Variants in PTPRN observed in about 807,000 individuals in gnomAD.
PTPRN encodes receptor-type tyrosine-protein phosphatase-like N.
In PTPRN, 70 loss-of-function variants were observed where a neutral mutation model predicts 108.5. The observed-to-expected ratio is 0.65, with a 90% CI of 0.53 to 0.79. The LOEUF is 0.79. Among genes scored for constraint, PTPRN ranks in the 30% least tolerant of loss-of-function variants. The probability of loss-of-function intolerance (pLI) is 0.00; values close to 1 mark genes in which losing one functional copy is unlikely to be tolerated. For synonymous variants in PTPRN, 496 were observed against 524.6 expected (o/e 0.95, Z 0.75); for missense variants, 1,136 against 1,295.5 (o/e 0.88, Z 1.89).
At chr2:219,307,009 A>C (rs1265153750) in intron 3 of PTPRN, 2 of 155,066 alleles carry the variant, frequency 1.3e-5, no homozygotes, top group Non-Finnish European at 2.9e-5. Flanking sequence ...CCCCAAACAG[A>C]AACTCCAGTA....
rs1444382711 is a variant in PTPRN, at chr2:219,297,861, C to G, written c.1887+24G>C. The G allele has an allele frequency of 4.4e-6, 7 of 1,581,016 alleles. No individual in the cohort carries two copies. The East Asian group carries it at 6.9e-5, about 16-fold the overall frequency. Reference sequence around the variant, plus strand: ...CCAGGCCCCTTGCATTTCCTTTGCTCAATCAGCTTCTGGGGCTGCACACCT... The same window carrying G: ...CCAGGCCCCTTGCATTTCCTTTGCTGAATCAGCTTCTGGGGCTGCACACCT... On this transcript the variant is annotated intron_variant, in intron 13 of 22. Transcript: ENST00000295718. The surrounding 1 kb of genome is among the most constrained non-coding windows in gnomAD (Gnocchi z 6.0).
Position 219,290,070 on chromosome 2 carries a change from G to A in PTPRN, c.*156C>T. On this transcript the variant is annotated 3_prime_UTR_variant, in exon 23 of 23. Transcript: ENST00000295718. This position sits in a 1 kb window ranked among gnomAD's most constrained non-coding sequence, Gnocchi z 4.2. ...GGCTCTGGCATGCGAGGCTGGGCAG[G>A]CGTGCCCCTTCTGGCTTTCCCTTCC... 2.8e-6 allele frequency: 2 copies of A among 707,886 alleles called. No individual in the cohort carries two copies. Among genetic ancestry groups the A allele is most frequent in the Non-Finnish European group, 4.9e-6 (2 of 409,868 alleles). The allele number at this position is 707,886 out of a possible 1,614,324, so 43.9% of individuals were successfully genotyped here. A position where few individuals can be genotyped will look rare whatever the true frequency, so the allele number is the denominator to read the frequency against.
At chr2:219,292,080 C>G (rs1463184220) in intron 19 of PTPRN, 1 of 161,468 alleles carries the variant, frequency 6.2e-6, no homozygotes, top group East Asian at 1.9e-4. Context: ...CCTCCCGACT[C>G]AGGCTCCAGT....
chr2:219,306,693 T>A (rs1952493409), intron 3 of PTPRN, among the ~76,000 whole-genome samples: 1 of 152,200 alleles, frequency 6.6e-6, no homozygotes, highest in Non-Finnish European at 1.5e-5. Flanking sequence ...TCCATCAGTC[T>A]TCTACAGTCC....
Position 219,296,122 on chromosome 2 carries a change from T to A in PTPRN, c.2508+104A>T. On this transcript the variant is annotated intron_variant, in intron 18 of 22. Transcript: ENST00000295718. The surrounding 1 kb of genome is among the most constrained non-coding windows in gnomAD (Gnocchi z 6.0). Reference sequence around the variant, plus strand: ...ATGAGCAGGGCCAATAAAAGCCTTTTTAAAAAGACTGTTGAGTGCTCATTT... The same window carrying A: ...ATGAGCAGGGCCAATAAAAGCCTTTATAAAAAGACTGTTGAGTGCTCATTT... The A allele has an allele frequency of 2.0e-6, 3 of 1,529,742 alleles. No individual in the cohort carries two copies. Among genetic ancestry groups the A allele is most frequent in the Non-Finnish European group, 2.7e-6 (3 of 1,120,370 alleles). The allele number at this position is 1,529,742 out of a possible 1,614,324, so 94.8% of individuals were successfully genotyped here. A position where few individuals can be genotyped will look rare whatever the true frequency, so the allele number is the denominator to read the frequency against.
In PTPRN at chr2:219,290,768, G is replaced by T; in HGVS notation, c.2794+58C>A. On this transcript the variant is annotated intron_variant, in intron 21 of 22. Transcript: ENST00000295718. This position sits in a 1 kb window ranked among gnomAD's most constrained non-coding sequence, Gnocchi z 4.2. ...CTTCTGAGCTCCCAGGACCCTGTGT[G>T]CTGGGGAGCCTCTAAAAAGGGCCTG... 6.4e-7 allele frequency: 1 copy of T among 1,557,496 alleles called. No homozygotes were observed. The highest frequency in any genetic ancestry group is 8.9e-7 in the Non-Finnish European group (1 of 1,128,732).
rs1275075174 is a variant in PTPRN at position 219,290,826 on chromosome 2, C to A, written c.2794G>T (p.Gly932Ter). ...IDMVLNRMAKGVKEIDIAATL... is the reference protein window; with the variant it reads ...IDMVLNRMAK ...CGGGCACCGTGGGGAAGCTCCCTACCTTTTGCCATGCGGTTCAGGACCATG... is the reference window on the plus strand; with the variant it reads ...CGGGCACCGTGGGGAAGCTCCCTACATTTTGCCATGCGGTTCAGGACCATG... The change falls in exon 21 of 23, where the codon GGA becomes TGA. Residue 932 changes from glycine (G) to a stop codon, truncating the protein, a stop_gained and splice_region_variant. Coordinates refer to ENST00000295718, the MANE Select transcript of PTPRN (RefSeq NM_002846.4). LOFTEE classifies it high-confidence loss of function. This position sits in a 1 kb window ranked among gnomAD's most constrained non-coding sequence, Gnocchi z 4.2. 1 of 1,613,922 alleles carries A rather than the reference C, an allele frequency of 6.2e-7. No homozygotes were observed. Among genetic ancestry groups the A allele is most frequent in the African/African-American group, 1.3e-5 (1 of 74,906 alleles).
intron 19 of PTPRN, among the ~76,000 whole-genome samples, chr2:219,294,408 G>C (rs1952124472): frequency 6.7e-6 from 1 of 148,180 alleles, no homozygotes; most frequent in Non-Finnish European, 1.5e-5. Flanking sequence ...GTGAGGCAGA[G>C]ACAGAGTGAG....
chr2:219,297,914 C>G lies in PTPRN; in HGVS notation c.1858G>C (p.Ala620Pro). The change falls in exon 13 of 23, where the codon GCC (alanine) becomes CCC (proline). Residue 620 changes from alanine (A) to proline (P), a missense_variant. Physicochemically the swap from Ala to Pro is conservative, Grantham distance 27 (BLOSUM62 -1). Transcript: ENST00000295718. This position sits in a 1 kb window ranked among gnomAD's most constrained non-coding sequence, Gnocchi z 6.0. Reference protein sequence around the residue: ...ERLAALGPEGAHGDTTFEYQD... With the variant: ...ERLAALGPEGPHGDTTFEYQD... ...TACTCAAAGGTAGTGTCACCATGGG[C>G]CCCCTCAGGCCCCAGGGCTGCCAGG... 1 of 1,611,700 alleles carries G rather than the reference C, an allele frequency of 6.2e-7. No individual in the cohort carries two copies. Among genetic ancestry groups the G allele is most frequent in the Non-Finnish European group, 8.5e-7 (1 of 1,179,588 alleles).
At position 219,302,196 on chromosome 2, in the gene PTPRN, T is replaced by C. The variant is rs1952366370; in HGVS notation, c.935A>G (p.Tyr312Cys). 4 of 1,611,696 alleles carry C rather than the reference T, an allele frequency of 2.5e-6. No homozygotes were observed. Among genetic ancestry groups the C allele is most frequent in the Non-Finnish European group, 8.5e-7 (1 of 1,178,094 alleles). Residue 312 changes from tyrosine (Y) to cysteine (C), a missense_variant, in exon 6 of 23, where the codon TAT becomes TGT. Tyr to Cys is a radical substitution (Grantham distance 194). Coordinates refer to ENST00000295718, the MANE Select transcript of PTPRN (RefSeq NM_002846.4). The part of the protein sequence containing the change: ...SSRAEDSPEG[Y>C]EKEGLGDRGE... ...ACGATCCCCTAGTCCTTCCTTCTCA[T>C]AGCCCTCTGGGGAGTCCTCTGCCCG...
chr2:219,302,170 C>G lies in PTPRN; in HGVS notation c.961G>C (p.Gly321Arg), dbSNP rs1264376171. Reference protein sequence around the residue: ...GYEKEGLGDRGEKPASPAVQP... With the variant: ...GYEKEGLGDRREKPASPAVQP... ...ACAGCTGGGGAAGCAGGCTTCTCTCCACGATCCCCTAGTCCTTCCTTCTCA... is the reference window on the plus strand; with the variant it reads ...ACAGCTGGGGAAGCAGGCTTCTCTCGACGATCCCCTAGTCCTTCCTTCTCA... The change falls in exon 6 of 23, where the codon GGA becomes CGA. Residue 321 changes from glycine to arginine, a missense_variant. Transcript: ENST00000295718. 6.3e-7 allele frequency: 1 copy of G among 1,597,392 alleles called. No homozygotes were observed. Among genetic ancestry groups the G allele is most frequent in the African/African-American group, 1.3e-5 (1 of 74,678 alleles).
Position 219,294,854 on chromosome 2 carries a change from G to A in PTPRN, c.2675+121C>T, listed in dbSNP as rs1952142660. On this transcript the variant is annotated intron_variant, in intron 19 of 22. Coordinates refer to ENST00000295718, the MANE Select transcript of PTPRN (RefSeq NM_002846.4). The stretch of plus-strand genomic sequence containing the variant: ...GGTGGGAGCGTGGGGTCTGGAGCGG[G>A]CGGCCAGAAGTCAGAGGCCGAGGCT... The A allele has an allele frequency of 3.9e-6, 4 of 1,027,962 alleles. No homozygotes were observed. The East Asian group carries it at 9.8e-5, about 25-fold the overall frequency. The allele number at this position is 1,027,962 out of a possible 1,614,324, so 63.7% of individuals were successfully genotyped here. A position where few individuals can be genotyped will look rare whatever the true frequency, so the allele number is the denominator to read the frequency against.
chr2:219,299,947 C>T lies in PTPRN; in HGVS notation c.1436+38G>A, dbSNP rs773101191. On this transcript the variant is annotated intron_variant, in intron 9 of 22. Coordinates refer to ENST00000295718, the MANE Select transcript of PTPRN (RefSeq NM_002846.4). ...CTGGCCAGGCAGGCCAGCCCAAATC[C>T]TAGCAGACCAGAAAGCTTCCCAGGA... 3.7e-6 allele frequency: 6 copies of T among 1,610,898 alleles called. No homozygotes were observed. The East Asian group carries it at 1.3e-4, about 36-fold the overall frequency.
Position 219,301,558 on chromosome 2 carries a change from A to G in PTPRN, c.1126+30T>C, listed in dbSNP as rs1559301325. 2.5e-6 allele frequency: 4 copies of G among 1,591,542 alleles called. No homozygotes were observed. In the African/African-American group the frequency reaches 4.0e-5, roughly 16 times the overall value. The stretch of plus-strand genomic sequence containing the variant: ...AGAGGCCTCCATGGAGCCGGGAGAT[A>G]TTGGTCCCTCCCTCTGCCTGGACAC... On this transcript the variant is annotated intron_variant, in intron 7 of 22. Transcript: ENST00000295718.
At chr2:219,294,124 A>G (rs773943788) in intron 19 of PTPRN, 1 of 531,852 alleles carries the variant, frequency 1.9e-6, no homozygotes, top group East Asian at 5.4e-5. Context: ...ACACCTGCCA[A>G]TGATCACTTT....
intron 18 of PTPRN, chr2:219,295,713 C>T (rs923714556): frequency 7.1e-5 from 11 of 155,498 alleles, no homozygotes; most frequent in African/African-American, 2.7e-4. Flanking sequence ...TAGTCTCTCT[C>T]CTAATGAAAA....
In PTPRN at chr2:219,290,473, G is replaced by C; in HGVS notation, c.2868+65C>G. On this transcript the variant is annotated intron_variant, in intron 22 of 22. Transcript: ENST00000295718. The surrounding 1 kb of genome is among the most constrained non-coding windows in gnomAD (Gnocchi z 4.2). ...GGTTGGCAGCTGCTGCTTTCCCTGGGGTGGCCAAGAAGTGGGTGCTAGGGA... is the reference window on the plus strand; with the variant it reads ...GGTTGGCAGCTGCTGCTTTCCCTGGCGTGGCCAAGAAGTGGGTGCTAGGGA... 6.8e-7 allele frequency: 1 copy of C among 1,480,438 alleles called. No homozygotes were observed. Among genetic ancestry groups the C allele is most frequent in the East Asian group, 2.5e-5 (1 of 40,414 alleles). 91.7% of individuals were successfully genotyped at this position (1,480,438 alleles called of 1,614,324 possible).
intron 3 of PTPRN, 21 bp from the exon 4 acceptor site, chr2:219,303,852 G>GTTC (rs1559304017): frequency 1.3e-6 from 2 of 1,588,536 alleles, no homozygotes; most frequent in Admixed American, 1.7e-5. Context: ...AGAGGACAGC[G>GTTC]TAAGTTGGTT....
Position 219,296,492 on chromosome 2 carries a change from C to T in PTPRN, c.2335G>A (p.Ala779Thr). The T allele has an allele frequency of 1.2e-6, 2 of 1,614,156 alleles. No individual in the cohort carries two copies. The highest frequency in any genetic ancestry group is 1.7e-6 in the Non-Finnish European group (2 of 1,180,018). The change falls in exon 17 of 23, where the codon GCC becomes ACC. Residue 779 changes from alanine to threonine, a missense_variant. Physicochemically the swap from Ala to Thr is moderately conservative, Grantham distance 58. Transcript: ENST00000295718. The surrounding 1 kb of genome is among the most constrained non-coding windows in gnomAD (Gnocchi z 6.0). ...AGCGGGCCCTGCGTGGCTATGTAGG[C>T]TGGCATCCGAGGGTCATGCTCAATC... The part of the protein sequence containing the change: ...PIIEHDPRMP[A>T]YIATQGPLSH...
Sources: allele counts gnomAD v4.1 joint callset (sites outside exome capture counted in the v4.1 genomes callset), GRCh38; gene constraint gnomAD v4.1.1; non-coding constraint Gnocchi (gnomAD v3.1); transcripts MANE v1.5; gene names NCBI Gene and HGNC (gene_info 2026-07-23, HGNC 2026-07-21).